HMG20A: variants seen among roughly 807,000 people sequenced by gnomAD.
The protein encoded by HMG20A is high mobility group 20A, also known as high mobility group protein 20A.
In HMG20A, 17 loss-of-function variants were observed where a neutral mutation model predicts 43.9. That is an observed-to-expected ratio of 0.39 (90% CI 0.27 to 0.58). The LOEUF is 0.58. Ranked by LOEUF, HMG20A falls within the 20% of genes least tolerant of loss-of-function variation. The pLI is 0.59. For synonymous variants in HMG20A, 132 were observed against 147.5 expected (o/e 0.89, Z 0.76); for missense variants, 341 against 438.2 (o/e 0.78, Z 1.98).
At chr15:77,498,754 T>G in the HMG20A span, among the ~76,000 whole-genome samples, 1 of 152,224 alleles carries the variant, frequency 6.6e-6, no homozygotes, top group Non-Finnish European at 1.5e-5. Flanking sequence ...GAAAAACATT[T>G]TCCTGGGTTC....
intron 1 of HMG20A, among the ~76,000 whole-genome samples, chr15:77,447,350 C>T (rs183877657): frequency 1.4e-4 from 22 of 152,308 alleles, no homozygotes; most frequent in Non-Finnish European, 2.9e-4. Context: ...CCTGCGTTAT[C>T]ACCGTGCTTT....
At chr15:77,438,967 A>AT (rs1008059787) in intron 1 of HMG20A, among the ~76,000 whole-genome samples, 1 of 151,086 alleles carries the variant, frequency 6.6e-6, no homozygotes, top group Non-Finnish European at 1.5e-5. Context: ...ATTTTTTTGT[A>AT]TTTTTTTAGT....
chr15:77,448,749 T>C (rs986897258), intron 1 of HMG20A, among the ~76,000 whole-genome samples: 1 of 152,166 alleles, frequency 6.6e-6, no homozygotes, highest in East Asian at 1.9e-4. Flanking sequence ...GATCAGTTTC[T>C]CTATAGTTTG....
At chr15:77,490,399 C>T (rs530681056), downstream of HMG20A, among the ~76,000 whole-genome samples, 3 of 152,088 alleles carry the variant, frequency 2.0e-5, no homozygotes, top group Non-Finnish European at 4.4e-5. Flanking sequence ...CATAGGAACC[C>T]AAGTGAGAAA....
At chr15:77,496,967 G>A in the HMG20A span, among the ~76,000 whole-genome samples, 1 of 152,236 alleles carries the variant, frequency 6.6e-6, no homozygotes, top group South Asian at 2.1e-4. Context: ...GGACGGCCCG[G>A]GACCCAGTGC....
intron 6 of HMG20A, among the ~76,000 whole-genome samples, chr15:77,472,565 C>T (rs552981533): frequency 4.6e-5 from 7 of 152,328 alleles, no homozygotes; most frequent in South Asian, 2.1e-4. Context: ...TGAGCCACCA[C>T]GCCCGGCCCA....
the HMG20A span, among the ~76,000 whole-genome samples, chr15:77,497,671 G>GAGAA: frequency 7.1e-5 from 9 of 126,546 alleles, no homozygotes; most frequent in Admixed American, 7.3e-4. Flanking sequence ...GAGAGAGAGA[G>GAGAA]AGAGAGAGAG....
intron 9 of HMG20A, among the ~76,000 whole-genome samples, chr15:77,481,343 T>C (rs897669342): frequency 6.6e-6 from 1 of 152,334 alleles, no homozygotes. Flanking sequence ...GAACAGCTTG[T>C]AAATCTAGGC....
chr15:77,430,541 A>C (rs1349880772), intron 1 of HMG20A, among the ~76,000 whole-genome samples: 3 of 152,188 alleles, frequency 2.0e-5, no homozygotes, highest in African/African-American at 4.8e-5. Flanking sequence ...TTTCCTAGGA[A>C]TTTGCTAATT....
intron 1 of HMG20A, among the ~76,000 whole-genome samples, chr15:77,438,137 A>ATT (rs34192592): frequency 0.089 from 10,029 of 113,320 alleles, 531 homozygotes; most frequent in Non-Finnish European, 0.12. Context: ...TTTAGTTTTA[A>ATT]TTTTTTTTTT....
At chr15:77,501,080 A>G in the HMG20A span, among the ~76,000 whole-genome samples, 1 of 152,040 alleles carries the variant, frequency 6.6e-6, no homozygotes, top group Non-Finnish European at 1.5e-5. Flanking sequence ...TACTGATCAT[A>G]TTGGTGTGTG....
downstream of HMG20A, among the ~76,000 whole-genome samples, chr15:77,488,840 C>G (rs2072958392): frequency 6.6e-6 from 1 of 152,228 alleles, no homozygotes; most frequent in Admixed American, 6.5e-5. Flanking sequence ...GTGAAACTTA[C>G]ACTTCAGATA....
chr15:77,468,301 A>G (rs998463471), intron 4 of HMG20A, among the ~76,000 whole-genome samples: 13 of 152,334 alleles, frequency 8.5e-5, no homozygotes, highest in African/African-American at 3.1e-4. Context: ...GAATACAGAA[A>G]TGTATAAACA....
At chr15:77,461,708 A>G (rs1286214524) in intron 2 of HMG20A, among the ~76,000 whole-genome samples, 1 of 152,162 alleles carries the variant, frequency 6.6e-6, no homozygotes, top group African/African-American at 2.4e-5. Context: ...TTCCCAAGTG[A>G]TTCCTGTCCA....
intron 1 of HMG20A, among the ~76,000 whole-genome samples, chr15:77,450,977 C>T (rs1247362403): frequency 6.6e-6 from 1 of 152,132 alleles, no homozygotes; most frequent in African/African-American, 2.4e-5. Flanking sequence ...GATTTTGGAG[C>T]ATTTTGAATT....
At chr15:77,509,564 GTGT>G in the HMG20A span, among the ~76,000 whole-genome samples, 1 of 51,798 alleles carries the variant, frequency 1.9e-5, no homozygotes, top group Non-Finnish European at 4.5e-5. Context: ...CCGTGTGTGT[GTGT>G]GTGTGTGTGT....
At position 77,471,779 on chromosome 15, in the gene HMG20A, T is replaced by G. The variant is rs776747682; in HGVS notation, c.584-4T>G. 6.4e-7 allele frequency: 1 copy of G among 1,573,330 alleles called. No individual in the cohort carries two copies. Among genetic ancestry groups the G allele is most frequent in the East Asian group, 2.2e-5 (1 of 44,550 alleles). On this transcript the variant is annotated splice_region_variant and splice_polypyrimidine_tract_variant and intron_variant, in intron 5 of 9. Transcript: ENST00000336216. ...AATGTTCTCTTATTCTTTTATATTTTTAGATGCAGCCCGGCAGGCCACTCA... is the reference window on the plus strand; with the variant it reads ...AATGTTCTCTTATTCTTTTATATTTGTAGATGCAGCCCGGCAGGCCACTCA...
At chr15:77,502,306 T>A in the HMG20A span, among the ~76,000 whole-genome samples, 1 of 152,134 alleles carries the variant, frequency 6.6e-6, no homozygotes, top group African/African-American at 2.4e-5. Context: ...ACTGAAAAAA[T>A]TTGCCAAGCC....
At chr15:77,433,976 G>A (rs1010342016) in intron 1 of HMG20A, among the ~76,000 whole-genome samples, 5 of 152,172 alleles carry the variant, frequency 3.3e-5, no homozygotes, top group African/African-American at 9.7e-5. Flanking sequence ...GACTTTATCA[G>A]ATAACAGGAT....
Sources: allele counts gnomAD v4.1 joint callset (sites outside exome capture counted in the v4.1 genomes callset), GRCh38; gene constraint gnomAD v4.1.1; transcripts MANE v1.5; gene names NCBI Gene and HGNC (gene_info 2026-07-23, HGNC 2026-07-21).